SEPSECS: variants seen among roughly 807,000 people sequenced by gnomAD.
The protein encoded by SEPSECS is Sep (O-phosphoserine) tRNA:Sec (selenocysteine) tRNA synthase.
SEPSECS carries 42 observed loss-of-function variants against 52.1 expected under a neutral mutation model. The ratio of observed to expected loss-of-function variants is 0.81; its 90% CI spans 0.63 to 1.04. The LOEUF is 1.04. Ranked by LOEUF, SEPSECS falls within the 50% of genes least tolerant of loss-of-function variation. The pLI, the probability that SEPSECS is intolerant of heterozygous loss-of-function variation, is 0.00. For missense variants in SEPSECS, 590 were observed against 610.6 expected, an observed-to-expected ratio of 0.97 and a Z score of 0.36; for synonymous variants, 216 against 211.4, an observed-to-expected ratio of 1.02 and a Z score of -0.19.
In SEPSECS at chr4:25,156,068, C is replaced by T; in HGVS notation, c.516G>A (p.Gln172=). The change falls in exon 4 of 11, where the codon CAG becomes CAA. Residue 172 remains glutamine, a synonymous_variant. Transcript: ENST00000382103. ...AKYIIWPRID[Q]KSCFKSMITA... ...TGATCATGGATTTAAAGCAGGACTT[C>T]TGGTCTATTCGTGGCCATATAATAT... 1 of 1,613,958 alleles carries T rather than the reference C, an allele frequency of 6.2e-7. No individual in the cohort carries two copies. The highest frequency in any genetic ancestry group is 1.1e-5 in the South Asian group (1 of 91,068).
intron 4 of SEPSECS, among the ~76,000 whole-genome samples, chr4:25,155,785 T>A (rs1398047475): frequency 6.6e-6 from 1 of 152,202 alleles, no homozygotes; most frequent in Non-Finnish European, 1.5e-5. Flanking sequence ...ACAGTACACT[T>A]AACTAGTATA....
In SEPSECS at chr4:25,123,828, T is replaced by C. The variant is rs1268861231; in HGVS notation, c.*103A>G. On this transcript the variant is annotated 3_prime_UTR_variant, in exon 11 of 11. Transcript: ENST00000382103. ...TCTGCTCCTTGACTGAATATTCCCA[T>C]GAAATTCTCAATTCAAAAATCTCAA... is the stretch of plus-strand genomic sequence containing the variant. 1.1e-5 allele frequency: 11 copies of C among 1,046,282 alleles called. No individual in the cohort carries two copies. Among genetic ancestry groups the C allele is most frequent in the Non-Finnish European group, 1.6e-5 (11 of 678,742 alleles). 64.8% of individuals were successfully genotyped at this position (1,046,282 alleles called of 1,614,324 possible).
Position 25,123,482 on chromosome 4 carries a change from C to T in SEPSECS, c.*449G>A, listed in dbSNP as rs559367534. ...CTTGACTCTGCTTCCTTGGGGAATGCCCATTTTACAGGCACACTGTGACTT... is the reference window on the plus strand; with the variant it reads ...CTTGACTCTGCTTCCTTGGGGAATGTCCATTTTACAGGCACACTGTGACTT... On this transcript the variant is annotated 3_prime_UTR_variant, in exon 11 of 11. Coordinates refer to ENST00000382103, the MANE Select transcript of SEPSECS (RefSeq NM_016955.4). The T allele has an allele frequency of 5.7e-5, 10 of 174,554 alleles. No individual in the cohort carries two copies. In the East Asian group the frequency reaches 1.3e-3, roughly 23 times the overall value. 10.8% of individuals were successfully genotyped at this position (174,554 alleles called of 1,614,324 possible).
intron 8 of SEPSECS, among the ~76,000 whole-genome samples, chr4:25,136,232 G>C (rs186212098): frequency 1.3e-5 from 2 of 152,176 alleles, no homozygotes; most frequent in African/African-American, 2.4e-5. Flanking sequence ...AGAAATAAAG[G>C]GTATTCAAAT....
intron 8 of SEPSECS, among the ~76,000 whole-genome samples, chr4:25,133,382 C>T (rs966686371): frequency 6.6e-6 from 1 of 152,176 alleles, no homozygotes; most frequent in Non-Finnish European, 1.5e-5. Flanking sequence ...AAAGTGTTTA[C>T]CCAGTGATAA....
chr4:25,157,892 G>A (rs781095997), intron 2 of SEPSECS, among the ~76,000 whole-genome samples: 13 of 152,054 alleles, frequency 8.5e-5, no homozygotes, highest in Non-Finnish European at 1.3e-4. Flanking sequence ...ACTGGGCTAA[G>A]TTCCAATGAT....
chr4:25,144,881 T>G lies in SEPSECS; in HGVS notation c.935-16A>C. 1 of 1,598,360 alleles carries G rather than the reference T, an allele frequency of 6.3e-7. No individual in the cohort carries two copies. The highest frequency in any genetic ancestry group is 8.6e-7 in the Non-Finnish European group (1 of 1,165,868). ...GAAGCTCTTCCTGAAATAAGAAGGA[T>G]AAGTTACATTAAGACTGTGGTGGGG... is the stretch of plus-strand genomic sequence containing the variant. On this transcript the variant is annotated splice_polypyrimidine_tract_variant and intron_variant, in intron 7 of 10. Coordinates refer to ENST00000382103, the MANE Select transcript of SEPSECS (RefSeq NM_016955.4).
intron 8 of SEPSECS, among the ~76,000 whole-genome samples, chr4:25,131,935 T>C (rs1450089794): frequency 2.6e-5 from 4 of 152,240 alleles, no homozygotes; most frequent in African/African-American, 4.8e-5. Flanking sequence ...TCTAAGACCA[T>C]AGACTTTCTT....
intron 6 of SEPSECS, among the ~76,000 whole-genome samples, chr4:25,151,287 C>A (rs191232921): frequency 6.6e-6 from 1 of 152,160 alleles, no homozygotes; most frequent in East Asian, 1.9e-4. Context: ...TGAGCAAGAG[C>A]AAAGGCCTGG....
At chr4:25,128,768 A>C (rs969725167) in intron 8 of SEPSECS, among the ~76,000 whole-genome samples, 2 of 152,042 alleles carry the variant, frequency 1.3e-5, no homozygotes, top group Non-Finnish European at 2.9e-5. Context: ...AACTCTAAGG[A>C]TACAACAAAC....
rs776969714 is a variant in SEPSECS at position 25,145,129 on chromosome 4, G to GC, written c.808dup (p.Ala270GlyfsTer5). Reference sequence around the variant, plus strand: ...AAAAGCATCTATTCTACCAACTCGAGCCCCCTGGAATCAATATGATATTAC... The same window carrying GC: ...AAAAGCATCTATTCTACCAACTCGAGCCCCCCTGGAATCAATATGATATTAC... On this transcript the variant is annotated frameshift_variant, in exon 7 of 11. Transcript: ENST00000382103. LOFTEE classifies it high-confidence loss of function. 115 of 1,613,584 alleles carry GC rather than the reference G, an allele frequency of 7.1e-5. No individual in the cohort carries two copies. Among genetic ancestry groups the GC allele is most frequent in the Non-Finnish European group, 8.6e-5 (102 of 1,179,868 alleles).
chr4:25,151,984 T>C lies in SEPSECS; in HGVS notation c.780A>G (p.Ser260=), dbSNP rs61747281. The C allele has an allele frequency of 1.5e-3, 2,450 of 1,591,588 alleles. 1 individual carries two copies. The highest frequency in any genetic ancestry group is 1.9e-3 in the Non-Finnish European group (2,249 of 1,159,720). Residue 260 remains serine, a synonymous_variant, in exon 6 of 11, where the codon TCA becomes TCG. Coordinates refer to ENST00000382103, the MANE Select transcript of SEPSECS (RefSeq NM_016955.4). ...IVNNAYGVQS[S]KCMHLIQQGA... is the part of the protein sequence containing the mutation. ...CCTGCTGAATGAGATGCATACACTT[T>C]GAAGACTGCACTCCATAAGCATTAT...
intron 8 of SEPSECS, among the ~76,000 whole-genome samples, chr4:25,134,162 T>C (rs1006725724): frequency 2.3e-5 from 3 of 132,870 alleles, no homozygotes; most frequent in Non-Finnish European, 4.8e-5. Flanking sequence ...GTGCATAGAA[T>C]TCACAATGGA....
chr4:25,142,771 A>G (rs549760107), intron 8 of SEPSECS, among the ~76,000 whole-genome samples: 94 of 152,346 alleles, frequency 6.2e-4, no homozygotes, highest in African/African-American at 2.2e-3. Context: ...AAAATGTCTA[A>G]TTTATATTAC....
At position 25,124,932 on chromosome 4, in the gene SEPSECS, A is replaced by G. The variant is rs369119963; in HGVS notation, c.1212-707T>C. Among the ~76,000 whole-genome samples the G allele has an allele frequency of 2.1e-4, 32 of 152,206 alleles. No individual in the cohort carries two copies. In the East Asian group the frequency reaches 6.0e-3, roughly 28 times the overall value. On this transcript the variant is annotated intron_variant, in intron 10 of 10. Coordinates refer to ENST00000382103, the MANE Select transcript of SEPSECS (RefSeq NM_016955.4). Reference sequence around the variant, plus strand: ...TTTTTCAAAGAAGTCAATTAGGCTCAACCTAAACACACAGACAAATAGTGG... The same window carrying G: ...TTTTTCAAAGAAGTCAATTAGGCTCGACCTAAACACACAGACAAATAGTGG...
intron 10 of SEPSECS, 64 bp downstream of exon 10, chr4:25,125,630 G>A (rs888722187): frequency 6.1e-6 from 6 of 982,958 alleles, no homozygotes; most frequent in African/African-American, 4.8e-5. Context: ...GTTGAGGAAA[G>A]GTATTTTACT....
rs1439114425 is a variant in SEPSECS at position 25,151,997 on chromosome 4, C to A, written c.767G>T (p.Gly256Val). 19 of 1,602,146 alleles carry A rather than the reference C, an allele frequency of 1.2e-5. No individual in the cohort carries two copies. Among genetic ancestry groups the A allele is most frequent in the East Asian group, 2.2e-5 (1 of 44,648 alleles). Reference sequence around the variant, plus strand: ...ATGCATACACTTTGAAGACTGCACTCCATAAGCATTATTAACTATATGTGG... The same window carrying A: ...ATGCATACACTTTGAAGACTGCACTACATAAGCATTATTAACTATATGTGG... ...DIPHIVNNAY[G>V]VQSSKCMHLI... The change falls in exon 6 of 11, where the codon GGA (glycine) becomes GTA (valine). Residue 256 changes from glycine (G) to valine (V), a missense_variant. By Grantham distance (109) the Gly-to-Val change is moderately radical. Coordinates refer to ENST00000382103, the MANE Select transcript of SEPSECS (RefSeq NM_016955.4).
chr4:25,136,424 C>T (rs1728845643), intron 8 of SEPSECS, among the ~76,000 whole-genome samples: 1 of 151,802 alleles, frequency 6.6e-6, no homozygotes, highest in African/African-American at 2.4e-5. Context: ...AGCAGAGAGC[C>T]AAATCATTCA....
Position 25,155,062 on chromosome 4 carries a change from C to G in SEPSECS, c.637G>C (p.Gly213Arg). ...TGAATACACAGAATGCAATCAGGCC[C>G]AAGTTCCTGGACTTTAGCCTCCACT... ...KAVEAKVQEL[G>R]PDCILCIHST... The change falls in exon 5 of 11, where the codon GGG (glycine) becomes CGG (arginine). Residue 213 changes from glycine (G) to arginine (R), a missense_variant. Coordinates refer to ENST00000382103, the MANE Select transcript of SEPSECS (RefSeq NM_016955.4). The G allele has an allele frequency of 6.2e-7, 1 of 1,614,118 alleles. No individual in the cohort carries two copies. Among genetic ancestry groups the G allele is most frequent in the South Asian group, 1.1e-5 (1 of 91,082 alleles).
Sources: gnomAD v4.1 joint callset for allele counts (sites outside exome capture counted in the v4.1 genomes callset) on GRCh38, gnomAD v4.1.1 for gene constraint, MANE v1.5 for transcripts, NCBI Gene and HGNC (gene_info 2026-07-23, HGNC 2026-07-21) for gene names.